TXNRD1: variants seen among roughly 807,000 people sequenced by gnomAD.
TXNRD1 encodes thioredoxin reductase 1, cytoplasmic.
In TXNRD1, 57 loss-of-function variants were observed where a neutral mutation model predicts 80.3. The ratio of observed to expected loss-of-function variants is 0.71; its 90% CI spans 0.57 to 0.89. The LOEUF is 0.89. Among genes scored for constraint, TXNRD1 ranks in the 40% least tolerant of loss-of-function variants. TXNRD1 has a pLI of 0.00. For missense variants in TXNRD1, 730 were observed against 803.0 expected, an observed-to-expected ratio of 0.91 and a Z score of 1.10; for synonymous variants, 291 against 285.2, an observed-to-expected ratio of 1.02 and a Z score of -0.20.
In TXNRD1 at chr12:104,341,643, C is replaced by A. The variant is rs540346059; in HGVS notation, c.1881+2370C>A. ...GACCAATTCTCCAGCTTTCTAGACA[C>A]CAGCTGGGTGTCTAGAAACAACCAA... is the stretch of plus-strand genomic sequence containing the variant. On this transcript the variant is annotated intron_variant, in intron 16 of 16. Coordinates refer to ENST00000525566, the MANE Select transcript of TXNRD1 (RefSeq NM_001093771.3). Among the ~76,000 whole-genome samples, 6 of 144,564 alleles carry A rather than the reference C, an allele frequency of 4.2e-5. No homozygotes were observed. In the East Asian group the frequency reaches 7.7e-4, roughly 19 times the overall value. 94.8% of individuals were successfully genotyped at this position (144,564 alleles called of 152,430 possible).
intron 1 of TXNRD1, among the ~76,000 whole-genome samples, chr12:104,248,425 C>T (rs1327439658): frequency 6.6e-6 from 1 of 152,166 alleles, no homozygotes. Flanking sequence ...GCTGGGATTA[C>T]AGGCGCGTGC....
At chr12:104,248,882 CG>C (rs1181174533) in intron 1 of TXNRD1, among the ~76,000 whole-genome samples, 1 of 151,822 alleles carries the variant, frequency 6.6e-6, no homozygotes, top group Non-Finnish European at 1.5e-5. Context: ...CTGGAGTGCA[CG>C]ATCTCGGCTC....
intron 1 of TXNRD1, among the ~76,000 whole-genome samples, chr12:104,244,826 G>A (rs186755601): frequency 6.6e-6 from 1 of 152,140 alleles, no homozygotes; most frequent in Non-Finnish European, 1.5e-5. Context: ...ATTGAAGACA[G>A]GGAAAAGAAA....
At chr12:104,219,829 T>A (rs1055653113) in intron 1 of TXNRD1, among the ~76,000 whole-genome samples, 46 of 152,166 alleles carry the variant, frequency 3.0e-4, no homozygotes, top group African/African-American at 1.0e-3. Context: ...GCCAATGCTA[T>A]TAACATTGAC....
chr12:104,337,765 T>A (rs1183914628), intron 15 of TXNRD1, among the ~76,000 whole-genome samples: 1 of 151,884 alleles, frequency 6.6e-6, no homozygotes, highest in Non-Finnish European at 1.5e-5. Context: ...AAACCTTATT[T>A]AAAATTACTT....
At chr12:104,259,188 G>A (rs2033312659) in intron 3 of TXNRD1, among the ~76,000 whole-genome samples, 1 of 152,046 alleles carries the variant, frequency 6.6e-6, no homozygotes, top group South Asian at 2.1e-4. Flanking sequence ...AGACCAGCCT[G>A]GCCAATATGG....
chr12:104,271,065 A>C (rs2033640886), intron 3 of TXNRD1, among the ~76,000 whole-genome samples: 1 of 152,188 alleles, frequency 6.6e-6, no homozygotes, highest in Non-Finnish European at 1.5e-5. Flanking sequence ...CATCCGTGTG[A>C]AAAGACCACC....
intron 11 of TXNRD1, among the ~76,000 whole-genome samples, chr12:104,325,691 G>T (rs1396487251): frequency 1.3e-5 from 2 of 152,132 alleles, no homozygotes; most frequent in African/African-American, 4.8e-5. Flanking sequence ...GGCCAACGTG[G>T]TGAAACCCCG....
intron 1 of TXNRD1, among the ~76,000 whole-genome samples, chr12:104,218,185 C>T (rs146671873): frequency 1.2e-3 from 185 of 152,124 alleles, no homozygotes; most frequent in African/African-American, 4.0e-3. Context: ...GCCACCATGC[C>T]CAGCTAATCT....
At chr12:104,308,474 AAAATAAAAATACG>A (rs1448565674) in intron 4 of TXNRD1, among the ~76,000 whole-genome samples, 44 of 152,268 alleles carry the variant, frequency 2.9e-4, no homozygotes, top group African/African-American at 9.9e-4. Flanking sequence ...AAAATTTTTT[AAAATAAAAATACG>A]TTAACATTTA....
intron 2 of TXNRD1, among the ~76,000 whole-genome samples, chr12:104,252,667 T>TACATATAC (rs1565863304): frequency 8.7e-5 from 5 of 57,434 alleles, no homozygotes; most frequent in African/African-American, 3.5e-4. Context: ...ATTTTTTATA[T>TACATATAC]ATATATATAT....
intron 1 of TXNRD1, among the ~76,000 whole-genome samples, chr12:104,240,652 A>G (rs1444785411): frequency 1.3e-5 from 2 of 152,062 alleles, no homozygotes; most frequent in Non-Finnish European, 2.9e-5. Context: ...GATTCCTTTT[A>G]TATTTTAATG....
At chr12:104,321,388 G>A in intron 10 of TXNRD1, 72 bp downstream of exon 10, 1 of 1,204,752 alleles carries the variant, frequency 8.3e-7, no homozygotes, top group Non-Finnish European at 1.2e-6. Context: ...TTGAGTTGGT[G>A]GTAGAAGCAT....
At chr12:104,266,648 C>T (rs952221925) in intron 3 of TXNRD1, among the ~76,000 whole-genome samples, 5 of 149,606 alleles carry the variant, frequency 3.3e-5, no homozygotes, top group Non-Finnish European at 7.4e-5. Flanking sequence ...CTGGCTAACA[C>T]GGTGAAACCC....
intron 1 of TXNRD1, among the ~76,000 whole-genome samples, chr12:104,235,549 C>T (rs896033841): frequency 3.3e-5 from 5 of 152,174 alleles, no homozygotes; most frequent in Admixed American, 3.3e-4. Flanking sequence ...TTTGGCTTCT[C>T]TCTCCTTGTG....
intron 1 of TXNRD1, among the ~76,000 whole-genome samples, chr12:104,233,551 C>G (rs538755167): frequency 6.6e-6 from 1 of 152,154 alleles, no homozygotes; most frequent in East Asian, 1.9e-4. Context: ...GATGGAGTTT[C>G]GCTCTTGTTG....
chr12:104,258,922 C>T (rs1432627402), intron 3 of TXNRD1, among the ~76,000 whole-genome samples: 1 of 151,988 alleles, frequency 6.6e-6, no homozygotes, highest in East Asian at 1.9e-4. Context: ...TGAGTGAGAC[C>T]TTGTATCGAA....
At chr12:104,330,491 T>A (rs1476698727) in intron 13 of TXNRD1, among the ~76,000 whole-genome samples, 1 of 152,164 alleles carries the variant, frequency 6.6e-6, no homozygotes, top group Non-Finnish European at 1.5e-5. Flanking sequence ...AGAGTTAACC[T>A]TTTTTTCCCC....
At chr12:104,322,265 A>G (rs2035559515) in intron 10 of TXNRD1, among the ~76,000 whole-genome samples, 2 of 151,816 alleles carry the variant, frequency 1.3e-5, no homozygotes, top group African/African-American at 4.8e-5. Flanking sequence ...AGTACCTGGT[A>G]GAGAGTAAGT....
Sources: allele counts gnomAD v4.1 joint callset (sites outside exome capture counted in the v4.1 genomes callset), GRCh38; gene constraint gnomAD v4.1.1; transcripts MANE v1.5; gene names NCBI Gene and HGNC (gene_info 2026-07-23, HGNC 2026-07-21).